TBC1D32: variants seen among roughly 807,000 people sequenced by gnomAD.
TBC1D32 encodes the protein TBC1 domain family member 32.
In TBC1D32, 151 loss-of-function variants were observed where a neutral mutation model predicts 170.3. The ratio of observed to expected loss-of-function variants is 0.89; its 90% CI spans 0.78 to 1.01. The LOEUF (loss-of-function observed/expected upper bound fraction) is 1.01, where lower values mean the gene tolerates loss of function less well. Ranked by LOEUF, TBC1D32 falls within the 50% of genes least tolerant of loss-of-function variation. The pLI, the probability that TBC1D32 is intolerant of heterozygous loss-of-function variation, is 0.00. For missense variants in TBC1D32, 1,464 were observed against 1,457.1 expected (o/e 1.00, Z -0.08); for synonymous variants, 498 against 488.0 (o/e 1.02, Z -0.27).
At chr6:121,172,059 G>C (rs1787088027) in intron 22 of TBC1D32, among the ~76,000 whole-genome samples, 1 of 152,028 alleles carries the variant, frequency 6.6e-6, no homozygotes, top group Non-Finnish European at 1.5e-5. Flanking sequence ...ATGGTGCTGG[G>C]GAAGGGAACG....
At chr6:121,170,502 G>A in intron 22 of TBC1D32, 1 of 1,600,338 alleles carries the variant, frequency 6.2e-7, no homozygotes, top group Non-Finnish European at 8.5e-7. Context: ...AGAGTGTCCA[G>A]ATCACAGCAT....
At chr6:121,241,123 T>A (rs1796933721) in intron 19 of TBC1D32, among the ~76,000 whole-genome samples, 1 of 152,114 alleles carries the variant, frequency 6.6e-6, no homozygotes, top group African/African-American at 2.4e-5. Context: ...TCCTATCAGA[T>A]GGGACTGTAC....
At chr6:121,291,984 G>C (rs1425142608) in intron 12 of TBC1D32, 69 bp downstream of exon 12, 289 of 1,422,346 alleles carry the variant, frequency 2.0e-4, no homozygotes, top group Non-Finnish European at 2.6e-4. Flanking sequence ...AAATTTCCAA[G>C]TTTGAATACT....
intron 5 of TBC1D32, 127 bp from the exon 6 acceptor site, chr6:121,304,960 TCA>T: frequency 1.5e-6 from 1 of 663,692 alleles, no homozygotes; most frequent in East Asian, 2.8e-5. Flanking sequence ...GAAACTAGAG[TCA>T]GAATGTACTT....
At chr6:121,155,538 G>C (rs951108995) in intron 24 of TBC1D32, among the ~76,000 whole-genome samples, 1 of 152,018 alleles carries the variant, frequency 6.6e-6, no homozygotes, top group African/African-American at 2.4e-5. Flanking sequence ...GTACTATGTT[G>C]AACAAGTGTA....
chr6:121,240,115 C>T (rs1796763756), intron 19 of TBC1D32, among the ~76,000 whole-genome samples: 1 of 152,032 alleles, frequency 6.6e-6, no homozygotes, highest in Non-Finnish European at 1.5e-5. Context: ...TAATATAGTA[C>T]CTACGACATC....
intron 22 of TBC1D32, among the ~76,000 whole-genome samples, chr6:121,191,919 C>A (rs113584271): frequency 0.017 from 2,650 of 152,064 alleles, 27 homozygotes; most frequent in South Asian, 0.041. Flanking sequence ...ACATCTTTCT[C>A]CTGTGCTGGA....
chr6:121,136,303 A>G (rs942469556), intron 24 of TBC1D32, among the ~76,000 whole-genome samples: 1 of 152,220 alleles, frequency 6.6e-6, no homozygotes, highest in Non-Finnish European at 1.5e-5. Context: ...GAGAAAGGAA[A>G]CAGGTACAAA....
Position 121,310,860 on chromosome 6 carries a change from T to A in TBC1D32, c.496-13A>T. ...AAAATTTGTAACTCTGTAACACAAT[T>A]GTCAGGACATTCATTTATTTAGAAG... On this transcript the variant is annotated splice_polypyrimidine_tract_variant and intron_variant, in intron 3 of 31. Transcript: ENST00000398212. 6.9e-7 allele frequency: 1 copy of A among 1,450,804 alleles called. No homozygotes were observed. The highest frequency in any genetic ancestry group is 9.6e-7 in the Non-Finnish European group (1 of 1,036,538). The allele number at this position is 1,450,804 out of a possible 1,614,324, so 89.9% of individuals were successfully genotyped here. A position where few individuals can be genotyped will look rare whatever the true frequency, so the allele number is the denominator to read the frequency against.
intron 1 of TBC1D32, among the ~76,000 whole-genome samples, chr6:121,324,898 C>A (rs556924943): frequency 7.0e-4 from 106 of 152,226 alleles, no homozygotes; most frequent in African/African-American, 2.5e-3. Flanking sequence ...GGCAGATGTG[C>A]ACGATGAGGT....
intron 1 of TBC1D32, among the ~76,000 whole-genome samples, chr6:121,326,136 G>C (rs575325549): frequency 6.6e-6 from 1 of 152,268 alleles, no homozygotes; most frequent in East Asian, 1.9e-4. Context: ...GGATATATCT[G>C]TAATTGAGGC....
chr6:121,305,826 G>GA (rs141423893), intron 5 of TBC1D32, among the ~76,000 whole-genome samples: 3 of 151,806 alleles, frequency 2.0e-5, no homozygotes, highest in African/African-American at 7.2e-5. Flanking sequence ...AATTTAAAAT[G>GA]AAAAAAACTC....
At chr6:121,201,600 T>C (rs1427521239) in intron 22 of TBC1D32, among the ~76,000 whole-genome samples, 1 of 151,472 alleles carries the variant, frequency 6.6e-6, no homozygotes, top group Non-Finnish European at 1.5e-5. Context: ...AAAAAACAGT[T>C]ATTTGAAATT....
At chr6:121,290,878 T>TTC (rs1804734295) in intron 12 of TBC1D32, among the ~76,000 whole-genome samples, 1 of 152,142 alleles carries the variant, frequency 6.6e-6, no homozygotes, top group Non-Finnish European at 1.5e-5. Flanking sequence ...GAAACCATCA[T>TTC]TCTCTGCAAA....
intron 1 of TBC1D32, among the ~76,000 whole-genome samples, chr6:121,333,580 C>A (rs954475738): frequency 6.6e-6 from 1 of 152,126 alleles, no homozygotes; most frequent in African/African-American, 2.4e-5. Flanking sequence ...CTTAAAATAT[C>A]AGCAGATATT....
intron 12 of TBC1D32, among the ~76,000 whole-genome samples, chr6:121,289,809 C>T (rs1302444549): frequency 6.6e-6 from 1 of 151,842 alleles, no homozygotes; most frequent in Non-Finnish European, 1.5e-5. Flanking sequence ...AGATATAGAC[C>T]AATGGAACAG....
At chr6:121,101,879 C>T (rs1317489785) in intron 30 of TBC1D32, among the ~76,000 whole-genome samples, 1 of 152,154 alleles carries the variant, frequency 6.6e-6, no homozygotes, top group Non-Finnish European at 1.5e-5. Context: ...TGAAAAGCAA[C>T]TTCAGCAAAG....
chr6:121,118,511 G>C (rs1490774128), intron 26 of TBC1D32, among the ~76,000 whole-genome samples: 1 of 152,146 alleles, frequency 6.6e-6, no homozygotes, highest in East Asian at 1.9e-4. Flanking sequence ...ATTCTGTTCT[G>C]TTTTTGGTTT....
chr6:121,290,603 G>T (rs907202393), intron 12 of TBC1D32, among the ~76,000 whole-genome samples: 1 of 152,152 alleles, frequency 6.6e-6, no homozygotes, highest in Non-Finnish European at 1.5e-5. Flanking sequence ...GATTCCTCAG[G>T]GATCGTGAAC....
Sources: gnomAD v4.1 joint callset for allele counts (sites outside exome capture counted in the v4.1 genomes callset) on GRCh38, gnomAD v4.1.1 for gene constraint, MANE v1.5 for transcripts, NCBI Gene and HGNC (gene_info 2026-07-23, HGNC 2026-07-21) for gene names.